Variants in C8orf34 observed in about 807,000 individuals in gnomAD.
The protein encoded by C8orf34 is uncharacterized protein C8orf34.
Under a neutral mutation model 68.3 loss-of-function variants are expected in C8orf34, and 65 were observed. The observed-to-expected ratio is 0.95, with a 90% confidence interval of 0.78 to 1.17. The LOEUF is 1.17. Ranked by LOEUF, C8orf34 falls within the 50% of genes most tolerant of loss-of-function variation. The pLI is 0.00. For synonymous variants in C8orf34, 244 were observed against 241.2 expected, an observed-to-expected ratio of 1.01 and a Z score of -0.11; for missense variants, 664 against 655.4, an observed-to-expected ratio of 1.01 and a Z score of -0.14.
intron 7 of C8orf34, among the ~76,000 whole-genome samples, chr8:68,540,570 C>T (rs964432818): frequency 6.6e-6 from 1 of 151,758 alleles, no homozygotes; most frequent in Non-Finnish European, 1.5e-5. Context: ...AGGCCAGGTG[C>T]GGTGGCTCAC....
intron 3 of C8orf34, chr8:68,446,678 C>G (rs1811139018): frequency 1.9e-6 from 1 of 530,460 alleles, no homozygotes; most frequent in Non-Finnish European, 3.3e-6. Flanking sequence ...CACTTGGACC[C>G]TTTTGAGTAT....
rs377562572 is a variant in C8orf34 at position 68,448,989 on chromosome 8, GT to G, written c.607+2532del. On this transcript the variant is annotated intron_variant, in intron 3 of 13. Transcript: ENST00000518698. ...AAGCGTTATGCACCCAATAACAGAA[GT>G]TTCTCAATACATGACACAAAAATTT... is the stretch of plus-strand genomic sequence containing the variant. 2.1e-3 allele frequency among the ~76,000 whole-genome samples: 325 copies of G among 152,070 alleles called. 1 individual carries two copies. Among genetic ancestry groups the G allele is most frequent in the African/African-American group, 7.1e-3 (293 of 41,522 alleles).
At position 68,678,859 on chromosome 8, in the gene C8orf34, GAA is replaced by G. The variant is rs35973682; in HGVS notation, c.1242-30119_1242-30118del. Among the ~76,000 whole-genome samples, 296 of 116,912 alleles carry G rather than the reference GAA, an allele frequency of 2.5e-3. 2 individuals are homozygous for G. Among genetic ancestry groups the G allele is most frequent in the Middle Eastern group, 9.2e-3 (2 of 218 alleles). 76.7% of individuals were successfully genotyped at this position (116,912 alleles called of 152,430 possible). A position where few individuals can be genotyped will look rare whatever the true frequency, so the allele number is the denominator to read the frequency against. On this transcript the variant is annotated intron_variant, in intron 8 of 13. Coordinates refer to ENST00000518698, the MANE Select transcript of C8orf34 (RefSeq NM_052958.4). Reference sequence around the variant, plus strand: ...TTGGAAAAACCTAAAGACCACAACTGAAAAAAAAAAAAAAAAACTGTTAGAAC... The same window carrying G: ...TTGGAAAAACCTAAAGACCACAACTGAAAAAAAAAAAAAAACTGTTAGAAC...
At chr8:68,743,675 C>G (rs931703622) in intron 10 of C8orf34, among the ~76,000 whole-genome samples, 1 of 152,200 alleles carries the variant, frequency 6.6e-6, no homozygotes, top group Non-Finnish European at 1.5e-5. Flanking sequence ...GCTTTCCCGA[C>G]GGGCTTAAAA....
At position 68,521,937 on chromosome 8, in the gene C8orf34, G is replaced by A; in HGVS notation, c.904G>A (p.Glu302Lys). The change falls in exon 6 of 14, where the codon GAA (glutamate) becomes AAA (lysine). Residue 302 changes from glutamate to lysine, a missense_variant. By Grantham distance (56) the Glu-to-Lys change is moderately conservative. Coordinates refer to ENST00000518698, the MANE Select transcript of C8orf34 (RefSeq NM_052958.4). ...PIPRSKNDQW[E>K]SEDSGSSPAG... Reference sequence around the variant, plus strand: ...TCCAAGAAGCAAAAATGACCAATGGGAAAGTGAAGATAGTGGCTCTAGTCC... The same window carrying A: ...TCCAAGAAGCAAAAATGACCAATGGAAAAGTGAAGATAGTGGCTCTAGTCC... 1.2e-6 allele frequency: 2 copies of A among 1,614,070 alleles called. 1 individual carries two copies. Among genetic ancestry groups the A allele is most frequent in the South Asian group, 2.2e-5 (2 of 91,076 alleles).
At position 68,690,547 on chromosome 8, in the gene C8orf34, C is replaced by T. The variant is rs77198228; in HGVS notation, c.1242-18447C>T. On this transcript the variant is annotated intron_variant, in intron 8 of 13. Transcript: ENST00000518698. ...CCCATTTGTCATAGACAGCTTCTAG[C>T]AGAGTACTCACATGATGAATGGGGT... 5.3e-3 allele frequency among the ~76,000 whole-genome samples: 811 copies of T among 152,036 alleles called. 10 individuals are homozygous for T. Among genetic ancestry groups the T allele is most frequent in the African/African-American group, 0.019 (778 of 41,514 alleles).
At chr8:68,371,188 A>G (rs1807545091) in intron 1 of C8orf34, among the ~76,000 whole-genome samples, 1 of 152,250 alleles carries the variant, frequency 6.6e-6, no homozygotes, top group Non-Finnish European at 1.5e-5. Context: ...CCTCATTCAA[A>G]TAACAGGTTC....
intron 10 of C8orf34, among the ~76,000 whole-genome samples, chr8:68,768,585 C>T (rs772487704): frequency 1.6e-4 from 25 of 152,146 alleles, no homozygotes; most frequent in Non-Finnish European, 3.4e-4. Flanking sequence ...ATTAGAATAT[C>T]TCATAATAAC....
Position 68,506,497 on chromosome 8 carries a change from C to A in C8orf34, c.766-15302C>A, listed in dbSNP as rs77879158. ...TACAGTCACATGCCACTGCATCTGG[C>A]TATGCAGTTTCTTAATTTTTAACAA... On this transcript the variant is annotated intron_variant, in intron 5 of 13. Transcript: ENST00000518698. Among the ~76,000 whole-genome samples the A allele has an allele frequency of 2.8e-3, 426 of 152,290 alleles. 4 individuals carry two copies. Among genetic ancestry groups the A allele is most frequent in the African/African-American group, 0.01 (416 of 41,568 alleles).
chr8:68,712,016 A>T (rs1821342350), intron 9 of C8orf34, among the ~76,000 whole-genome samples: 1 of 152,202 alleles, frequency 6.6e-6, no homozygotes, highest in African/African-American at 2.4e-5. Context: ...CCCAGAAGGG[A>T]TTGGGGACCC....
chr8:68,779,013 C>CA (rs906421556), intron 11 of C8orf34, among the ~76,000 whole-genome samples: 21 of 151,542 alleles, frequency 1.4e-4, no homozygotes, highest in Non-Finnish European at 2.5e-4. Context: ...CCTGTCTCTA[C>CA]AAAAAATCAA....
At chr8:68,451,895 A>T (rs920442073) in intron 3 of C8orf34, among the ~76,000 whole-genome samples, 1 of 152,042 alleles carries the variant, frequency 6.6e-6, no homozygotes, top group Admixed American at 6.6e-5. Flanking sequence ...CAACAAAAAA[A>T]TTATCTGCAA....
chr8:68,391,981 A>C (rs1808497833), intron 1 of C8orf34, among the ~76,000 whole-genome samples: 1 of 152,176 alleles, frequency 6.6e-6, no homozygotes, highest in South Asian at 2.1e-4. Context: ...TCGCTAATGA[A>C]TGCTGAATTG....
chr8:68,764,104 G>A (rs1377140864), intron 10 of C8orf34, among the ~76,000 whole-genome samples: 2 of 152,162 alleles, frequency 1.3e-5, no homozygotes, highest in Non-Finnish European at 2.9e-5. Flanking sequence ...ATATGTGGAC[G>A]AGCTTGGACA....
intron 7 of C8orf34, among the ~76,000 whole-genome samples, chr8:68,565,618 T>C (rs1013056079): frequency 1.4e-5 from 2 of 146,346 alleles, no homozygotes; most frequent in Admixed American, 6.7e-5. Context: ...AGTCCATCTT[T>C]TGTGTCGCGA....
At chr8:68,590,199 G>A (rs2130427374) in intron 7 of C8orf34, among the ~76,000 whole-genome samples, 1 of 147,648 alleles carries the variant, frequency 6.8e-6, no homozygotes, top group South Asian at 2.3e-4. Context: ...AAGAGAGAAA[G>A]GGGGAGGGAG....
intron 7 of C8orf34, among the ~76,000 whole-genome samples, chr8:68,547,655 G>C (rs1052924473): frequency 6.6e-5 from 10 of 151,722 alleles, no homozygotes; most frequent in Admixed American, 5.9e-4. Context: ...CTATGACACA[G>C]TACAGTCTCA....
intron 1 of C8orf34, among the ~76,000 whole-genome samples, chr8:68,408,069 T>G (rs1809276662): frequency 6.6e-6 from 1 of 152,026 alleles, no homozygotes; most frequent in South Asian, 2.1e-4. Flanking sequence ...CATCTGTATT[T>G]ACAGTTGGTC....
chr8:68,713,979 G>A (rs543675520), intron 9 of C8orf34, among the ~76,000 whole-genome samples: 39 of 152,034 alleles, frequency 2.6e-4, no homozygotes, highest in Admixed American at 2.2e-3. Flanking sequence ...ATGCAGGGAT[G>A]GTTTAACATA....
Sources: gnomAD v4.1 joint callset for allele counts (sites outside exome capture counted in the v4.1 genomes callset) on GRCh38, gnomAD v4.1.1 for gene constraint, MANE v1.5 for transcripts, NCBI Gene and HGNC (gene_info 2026-07-23, HGNC 2026-07-21) for gene names.